LPIN2: variants seen among roughly 807,000 people sequenced by gnomAD.
LPIN2 encodes phosphatidate phosphatase LPIN2.
A neutral mutation model predicts 111.4 loss-of-function variants in LPIN2; 55 were observed. That is an observed-to-expected ratio of 0.49 (90% CI 0.40 to 0.62). The LOEUF (loss-of-function observed/expected upper bound fraction) is 0.62, where lower values mean the gene tolerates loss of function less well. LPIN2 is among the 20% of genes least tolerant of loss of function. The pLI, the probability that LPIN2 is intolerant of heterozygous loss-of-function variation, is 0.00. For missense variants in LPIN2, 992 were observed against 1,112.1 expected (o/e 0.89, Z 1.54); for synonymous variants, 425 against 414.0 (o/e 1.03, Z -0.32).
intron 7 of LPIN2, among the ~76,000 whole-genome samples, chr18:2,937,211 G>T (rs2077298497): frequency 6.6e-6 from 1 of 152,060 alleles, no homozygotes; most frequent in South Asian, 2.1e-4. Context: ...GCTCCAACTG[G>T]ACTTTCCAGG....
chr18:2,994,402 C>G (rs563186177), intron 1 of LPIN2, among the ~76,000 whole-genome samples: 1 of 152,334 alleles, frequency 6.6e-6, no homozygotes, highest in African/African-American at 2.4e-5. Flanking sequence ...GGGCAGCTGG[C>G]AAAGGACAAG....
At chr18:2,945,358 C>G (rs1279864449) in intron 4 of LPIN2, among the ~76,000 whole-genome samples, 1 of 152,182 alleles carries the variant, frequency 6.6e-6, no homozygotes, top group African/African-American at 2.4e-5. Context: ...ATCAATCTTA[C>G]ATAACACGAA....
intron 4 of LPIN2, among the ~76,000 whole-genome samples, chr18:2,949,425 C>T (rs1053815595): frequency 6.6e-6 from 1 of 152,134 alleles, no homozygotes; most frequent in Admixed American, 6.5e-5. Context: ...ATAGTGTACT[C>T]TGGTTTGTAG....
At chr18:2,922,903 A>C (rs545145450) in intron 16 of LPIN2, among the ~76,000 whole-genome samples, 18 of 152,292 alleles carry the variant, frequency 1.2e-4, no homozygotes, top group East Asian at 9.6e-4. Flanking sequence ...ATCAGACAAG[A>C]AGCAAAATTA....
intron 18 of LPIN2, 120 bp from the exon 19 acceptor site, chr18:2,921,001 G>T: frequency 2.7e-6 from 2 of 743,258 alleles, no homozygotes; most frequent in Non-Finnish European, 2.4e-6. Flanking sequence ...TGCGGAGGCG[G>T]CACAGTGCAG....
At position 2,978,837 on chromosome 18, in the gene LPIN2, T is replaced by C. The variant is rs7227995; in HGVS notation, c.-9-17988A>G. The stretch of plus-strand genomic sequence containing the variant: ...GCTCACTTCTCACCCCCGGTGCACG[T>C]TGCAGTCACTGAGGTGCTTGGGGAA... On this transcript the variant is annotated intron_variant, in intron 1 of 19. Coordinates refer to ENST00000677752, the MANE Select transcript of LPIN2 (RefSeq NM_001375808.2). Among the ~76,000 whole-genome samples the C allele has an allele frequency of 4.4e-3, 667 of 152,298 alleles. 4 individuals carry two copies. The highest frequency in any genetic ancestry group is 0.015 in the African/African-American group (642 of 41,566).
intron 2 of LPIN2, 39 bp downstream of exon 2, chr18:2,960,609 GA>G: frequency 5.6e-6 from 9 of 1,594,328 alleles, no homozygotes; most frequent in Non-Finnish European, 7.7e-6. Flanking sequence ...CTTTCTCTTT[GA>G]ATCTCAGGAT....
chr18:2,947,415 T>C (rs983370248), intron 4 of LPIN2, among the ~76,000 whole-genome samples: 1 of 152,198 alleles, frequency 6.6e-6, no homozygotes, highest in Non-Finnish European at 1.5e-5. Flanking sequence ...CTATGTTATA[T>C]TTAAGCCCAA....
chr18:2,996,467 CTTT>C (rs1179106649), intron 1 of LPIN2, among the ~76,000 whole-genome samples: 3 of 84,994 alleles, frequency 3.5e-5, no homozygotes, highest in South Asian at 4.5e-4. Context: ...AGGAAAATAT[CTTT>C]TTTTTTTTTT....
Position 2,931,361 on chromosome 18 carries a change from C to T in LPIN2, c.1351G>A (p.Ala451Thr), listed in dbSNP as rs201985255. 1.2e-6 allele frequency: 2 copies of T among 1,613,662 alleles called. No individual in the cohort carries two copies. Among genetic ancestry groups the T allele is most frequent in the Non-Finnish European group, 1.7e-6 (2 of 1,179,890 alleles). The change falls in exon 9 of 20, where the codon GCT becomes ACT. Residue 451 changes from alanine (A) to threonine (T), a missense_variant. Around this residue, in one of 4 missense-constraint regions of LPIN2, gnomAD observed 709 missense variants for 753.2 expected, o/e 0.94. Coordinates refer to ENST00000677752, the MANE Select transcript of LPIN2 (RefSeq NM_001375808.2). ...AGGCACTCGGTGCCGCTATCTGCAG[C>T]TGCGCTTCCCACGGACTGTGGGGAC... Reference protein sequence around the residue: ...SQSPQSVGSAAADSGTECLSD... With the variant: ...SQSPQSVGSATADSGTECLSD...
At chr18:2,982,767 C>T in intron 1 of LPIN2, 2 of 1,281,910 alleles carry the variant, frequency 1.6e-6, no homozygotes, top group Non-Finnish European at 2.1e-6. Flanking sequence ...CTAAGTAAAA[C>T]ATCTTGAAAT....
intron 5 of LPIN2, 72 bp from the exon 6 acceptor site, chr18:2,939,675 TAA>T: frequency 1.3e-6 from 2 of 1,550,430 alleles, no homozygotes; most frequent in Non-Finnish European, 1.8e-6. Flanking sequence ...CCTGACAGAT[TAA>T]AAGAAACAAA....
chr18:2,995,275 GAC>G (rs1567860134), intron 1 of LPIN2, among the ~76,000 whole-genome samples: 1 of 152,160 alleles, frequency 6.6e-6, no homozygotes, highest in Non-Finnish European at 1.5e-5. Context: ...AATAATGAGG[GAC>G]ACTGGAAAGG....
At chr18:2,968,954 C>T (rs915693058) in intron 1 of LPIN2, among the ~76,000 whole-genome samples, 1 of 152,148 alleles carries the variant, frequency 6.6e-6, no homozygotes, top group Non-Finnish European at 1.5e-5. Flanking sequence ...GTAGAAGAGA[C>T]ACACACAGGG....
At chr18:2,953,870 T>G (rs2077573906) in intron 3 of LPIN2, among the ~76,000 whole-genome samples, 1 of 152,186 alleles carries the variant, frequency 6.6e-6, no homozygotes, top group Non-Finnish European at 1.5e-5. Flanking sequence ...AGATCCACAT[T>G]GAATCCATCA....
At chr18:2,998,334 CAA>C (rs1164771457) in intron 1 of LPIN2, among the ~76,000 whole-genome samples, 1 of 152,212 alleles carries the variant, frequency 6.6e-6, no homozygotes, top group African/African-American at 2.4e-5. Context: ...GCTACTTCAA[CAA>C]GAGAGAAGGA....
intron 1 of LPIN2, among the ~76,000 whole-genome samples, chr18:3,007,948 T>C (rs1250322031): frequency 1.3e-5 from 2 of 152,220 alleles, no homozygotes; most frequent in Non-Finnish European, 2.9e-5. Context: ...AACATACCTA[T>C]CTTGCCAGGA....
At chr18:2,964,082 G>T (rs1197086196) in intron 1 of LPIN2, among the ~76,000 whole-genome samples, 1 of 151,672 alleles carries the variant, frequency 6.6e-6, no homozygotes, top group Non-Finnish European at 1.5e-5. Context: ...AGGAGTTCAA[G>T]ACCAGCCTGG....
At chr18:2,972,288 T>C (rs750487424) in intron 1 of LPIN2, 6 of 152,222 alleles carry the variant, frequency 3.9e-5, no homozygotes, top group Non-Finnish European at 8.8e-5. Context: ...AAGTAGATCA[T>C]TCTGGAGAAT....
Sources: gnomAD v4.1 joint callset for allele counts (sites outside exome capture counted in the v4.1 genomes callset) on GRCh38, gnomAD v4.1.1 for gene constraint, gnomAD v4.1.1 regional missense constraint, MANE v1.5 for transcripts, NCBI Gene and HGNC (gene_info 2026-07-23, HGNC 2026-07-21) for gene names.